The following PDE1C variants were observed in gnomAD, a reference collection of about 807,000 sequenced individuals.
The protein encoded by PDE1C is dual specificity calcium/calmodulin-dependent 3',5'-cyclic nucleotide phosphodiesterase 1C.
PDE1C carries 62 observed loss-of-function variants against 93.1 expected under a neutral mutation model. That is an observed-to-expected ratio of 0.67 (90% CI 0.54 to 0.82). The LOEUF (loss-of-function observed/expected upper bound fraction) is 0.82. Ranked by LOEUF, PDE1C falls within the 40% of genes least tolerant of loss-of-function variation. The pLI is 0.00. For synonymous variants in PDE1C, 325 were observed against 310.1 expected (o/e 1.05, Z -0.50); for missense variants, 742 against 884.6 (o/e 0.84, Z 2.04).
At chr7:32,143,146 A>G (rs1023910399) in intron 3 of PDE1C, among the ~76,000 whole-genome samples, 3 of 151,970 alleles carry the variant, frequency 2.0e-5, no homozygotes, top group African/African-American at 7.3e-5. Flanking sequence ...CTGGGACACT[A>G]TGGGAAGGAA....
Position 31,805,819 on chromosome 7 carries a change from A to G in PDE1C, c.1891+3212T>C, listed in dbSNP as rs1328682244. Among the ~76,000 whole-genome samples the G allele has an allele frequency of 2.0e-5, 3 of 151,846 alleles. No homozygotes were observed. The East Asian group carries it at 5.8e-4, about 30-fold the overall frequency. On this transcript the variant is annotated intron_variant, in intron 16 of 17. Transcript: ENST00000396191. ...AGACGTGCCTATGTCACTCCTCTCT[A>G]TGCTGCCTGGAAGTCCTCTCAAGGC...
intron 3 of PDE1C, among the ~76,000 whole-genome samples, chr7:32,108,979 C>G (rs549823949): frequency 6.6e-6 from 1 of 152,266 alleles, no homozygotes; most frequent in South Asian, 2.1e-4. Context: ...CACTCCAGGA[C>G]TTCAGGTAAA....
At chr7:32,263,372 T>A (rs1367810211) in intron 1 of PDE1C, among the ~76,000 whole-genome samples, 1 of 152,148 alleles carries the variant, frequency 6.6e-6, no homozygotes, top group Non-Finnish European at 1.5e-5. Context: ...TGTCTGTGTG[T>A]CTGTGTGTGT....
At chr7:32,416,741 G>A (rs919768327) in intron 1 of PDE1C, among the ~76,000 whole-genome samples, 2 of 152,014 alleles carry the variant, frequency 1.3e-5, no homozygotes, top group Non-Finnish European at 2.9e-5. Flanking sequence ...GGCTCAGGAT[G>A]GGGGTCTGCA....
At chr7:32,237,763 C>CT (rs58726659) in intron 1 of PDE1C, among the ~76,000 whole-genome samples, 1 of 104,650 alleles carries the variant, frequency 9.6e-6, no homozygotes, top group African/African-American at 3.8e-5. Flanking sequence ...TATATATATA[C>CT]TTTTTTTTTT....
chr7:32,420,852 C>T (rs1363936621), intron 1 of PDE1C, among the ~76,000 whole-genome samples: 1 of 152,108 alleles, frequency 6.6e-6, no homozygotes, highest in Non-Finnish European at 1.5e-5. Flanking sequence ...TTGCTTCCAA[C>T]CATGGCTCAA....
Position 32,209,967 on chromosome 7 carries a change from G to A in PDE1C, c.86-428C>T, listed in dbSNP as rs113050067. Among the ~76,000 whole-genome samples, 676 of 152,314 alleles carry A rather than the reference G, an allele frequency of 4.4e-3. 3 individuals carry two copies. Among genetic ancestry groups the A allele is most frequent in the African/African-American group, 0.015 (624 of 41,560 alleles). ...TGAATCTGGTTTCCTAGGATCCATA[G>A]GGGCAAAGCTGAGGCAGGAATTTCG... On this transcript the variant is annotated intron_variant, in intron 1 of 18. Coordinates refer to the PDE1C transcript ENST00000396193.
rs538840326 is a variant in PDE1C, at chr7:31,779,757, A to C, written c.1892-4025T>G. Among the ~76,000 whole-genome samples, 3 of 152,274 alleles carry C rather than the reference A, an allele frequency of 2.0e-5. No homozygotes were observed. In the East Asian group the frequency reaches 5.8e-4, roughly 29 times the overall value. On this transcript the variant is annotated intron_variant, in intron 16 of 17. Transcript: ENST00000396191. ...CCCACTGGCTTCCAGTTCACTGAGG[A>C]TGTGTTCTTGAAATCTCTTTCCATG...
In PDE1C at chr7:31,864,996, G is replaced by T; in HGVS notation, c.696C>A (p.His232Gln). 6.2e-7 allele frequency: 1 copy of T among 1,614,022 alleles called. No homozygotes were observed. Among genetic ancestry groups the T allele is most frequent in the Non-Finnish European group, 8.5e-7 (1 of 1,179,928 alleles). ...GCACTGTCTGTGTAACATCGGCAGC[G>T]TGCATTAAGTTATGGTAAGGATTTT... Reference protein sequence around the residue: ...KHKNPYHNLMHAADVTQTVHY... With the variant: ...KHKNPYHNLMQAADVTQTVHY... Residue 232 changes from histidine (H) to glutamine (Q), a missense_variant, in exon 7 of 18, where the codon CAC becomes CAA. Physicochemically the swap from His to Gln is conservative, Grantham distance 24 (BLOSUM62 0). Transcript: ENST00000396191.
rs142711493 is a variant in PDE1C, at chr7:32,266,299, A to T, written c.85+32352T>A. ...TCCGTCTCAAAAAAAAAAGAAAAGA[A>T]AAAAAGAAATCGCCTTTTGAGAGCC... On this transcript the variant is annotated intron_variant, in intron 1 of 18. Transcript: ENST00000396193. Among the ~76,000 whole-genome samples, 514 of 151,602 alleles carry T rather than the reference A, an allele frequency of 3.4e-3. 4 individuals are homozygous for T. The highest frequency in any genetic ancestry group is 0.012 in the African/African-American group (481 of 41,292).
intron 1 of PDE1C, among the ~76,000 whole-genome samples, chr7:32,322,622 T>G (rs1026200801): frequency 2.8e-4 from 3 of 10,704 alleles, no homozygotes; most frequent in African/African-American, 2.9e-4. Context: ...TCTTTTTTCT[T>G]TTTTTTTTTT....
chr7:31,753,302 G>C lies in PDE1C; in HGVS notation c.*82C>G. 3 of 1,518,678 alleles carry C rather than the reference G, an allele frequency of 2.0e-6. No individual in the cohort carries two copies. Among genetic ancestry groups the C allele is most frequent in the Middle Eastern group, 3.6e-4 (2 of 5,630 alleles). The allele number at this position is 1,518,678 out of a possible 1,614,324, so 94.1% of individuals were successfully genotyped here. A position where few individuals can be genotyped will look rare whatever the true frequency, so the allele number is the denominator to read the frequency against. ...GCTCCAACAGCCTCCAAGGGTCTTG[G>C]AGGTGTGTCCTGCTGTGGCCAGTGG... On this transcript the variant is annotated 3_prime_UTR_variant, in exon 18 of 18. Transcript: ENST00000396191.
chr7:31,798,476 T>G (rs956768375), intron 16 of PDE1C, among the ~76,000 whole-genome samples: 2 of 151,756 alleles, frequency 1.3e-5, no homozygotes, highest in African/African-American at 4.8e-5. Flanking sequence ...AAAAGTCCTA[T>G]GTCAAGAATT....
At chr7:31,692,481 G>A in the PDE1C span, 2 of 1,612,254 alleles carry the variant, frequency 1.2e-6, no homozygotes, top group Non-Finnish European at 1.7e-6. Flanking sequence ...GGAACTCTCA[G>A]AAGACAGACT....
chr7:31,748,881 T>A (rs896669240), downstream of PDE1C, among the ~76,000 whole-genome samples: 2 of 152,182 alleles, frequency 1.3e-5, no homozygotes, highest in Non-Finnish European at 2.9e-5. Flanking sequence ...TTCTTTTAAA[T>A]TGAAAATGGA....
chr7:31,971,040 G>C (rs548704833), intron 2 of PDE1C, among the ~76,000 whole-genome samples: 8 of 152,312 alleles, frequency 5.3e-5, no homozygotes, highest in Non-Finnish European at 1.0e-4. Flanking sequence ...TACTCCAGGG[G>C]CTGAGGTAGG....
At chr7:32,165,584 G>T in intron 3 of PDE1C, among the ~76,000 whole-genome samples, 1 of 152,112 alleles carries the variant, frequency 6.6e-6, no homozygotes, top group East Asian at 1.9e-4. Flanking sequence ...CAGGGGAAAT[G>T]CCAGAAGCTT....
chr7:31,796,410 C>A (rs957470297), intron 16 of PDE1C, among the ~76,000 whole-genome samples: 9 of 151,570 alleles, frequency 5.9e-5, no homozygotes, highest in Non-Finnish European at 1.0e-4. Flanking sequence ...TAGTCACCTG[C>A]CATCTTGTTC....
intron 1 of PDE1C, among the ~76,000 whole-genome samples, chr7:32,318,908 G>A (rs959911164): frequency 1.3e-5 from 2 of 152,216 alleles, no homozygotes; most frequent in Non-Finnish European, 2.9e-5. Flanking sequence ...TGAGGTTCGG[G>A]AGGGCTGGAC....
Sources: allele counts gnomAD v4.1 joint callset (sites outside exome capture counted in the v4.1 genomes callset), GRCh38; gene constraint gnomAD v4.1.1; transcripts MANE v1.5; gene names NCBI Gene and HGNC (gene_info 2026-07-23, HGNC 2026-07-21).